MEIS1: variants seen among roughly 807,000 people sequenced by gnomAD.
MEIS1 encodes the protein Meis homeobox 1, also known as homeobox protein Meis1.
MEIS1 carries 5 observed loss-of-function variants against 50.8 expected under a neutral mutation model. The observed-to-expected ratio is 0.10, with a 90% CI of 0.05 to 0.21. The LOEUF (loss-of-function observed/expected upper bound fraction) is 0.21. Among genes scored for constraint, MEIS1 ranks in the 10% least tolerant of loss-of-function variants. MEIS1 has a pLI of 1.00. For synonymous variants in MEIS1, 176 were observed against 179.3 expected, an observed-to-expected ratio of 0.98 and a Z score of 0.15; for missense variants, 318 against 517.3, an observed-to-expected ratio of 0.61 and a Z score of 3.74.
At chr2:66,569,397 C>A in intron 12 of MEIS1, 2 of 243,448 alleles carry the variant, frequency 8.2e-6, no homozygotes, top group Non-Finnish European at 1.6e-5. Flanking sequence ...AAGAAGCAGT[C>A]AGGAGGTGGG....
intron 7 of MEIS1, among the ~76,000 whole-genome samples, chr2:66,485,615 A>G (rs1254491270): frequency 6.6e-6 from 1 of 152,242 alleles, no homozygotes; most frequent in Admixed American, 6.5e-5. Flanking sequence ...GAATATACCC[A>G]GTAATGGGAT....
chr2:66,528,371 A>C (rs536493397), intron 8 of MEIS1, among the ~76,000 whole-genome samples: 31 of 152,268 alleles, frequency 2.0e-4, no homozygotes, highest in Admixed American at 1.9e-3. Flanking sequence ...TATTATTCTA[A>C]TAAAAGCAAG....
intron 8 of MEIS1, among the ~76,000 whole-genome samples, chr2:66,526,903 C>T (rs1674264772): frequency 6.6e-6 from 1 of 152,088 alleles, no homozygotes; most frequent in South Asian, 2.1e-4. Flanking sequence ...GTCTCAGGCC[C>T]ACACCTTGAA....
At chr2:66,530,544 C>T (rs1674365366) in intron 8 of MEIS1, among the ~76,000 whole-genome samples, 1 of 152,288 alleles carries the variant, frequency 6.6e-6, no homozygotes, top group East Asian at 1.9e-4. Flanking sequence ...GAAACCCCGT[C>T]TCTCCTAAAA....
intron 1 of MEIS1, 91 bp downstream of exon 1, chr2:66,435,959 C>A: frequency 1.7e-6 from 2 of 1,206,074 alleles, no homozygotes; most frequent in Non-Finnish European, 2.3e-6. Flanking sequence ...CTTTTTTTCT[C>A]TCTCTCTTTT....
At chr2:66,564,906 T>C (rs1351766123) in intron 9 of MEIS1, among the ~76,000 whole-genome samples, 1 of 151,882 alleles carries the variant, frequency 6.6e-6, no homozygotes, top group Non-Finnish European at 1.5e-5. Context: ...CCACTGAAAG[T>C]AATGGCAAGA....
chr2:66,455,369 T>A (rs905300218), intron 6 of MEIS1, among the ~76,000 whole-genome samples: 1 of 152,186 alleles, frequency 6.6e-6, no homozygotes, highest in Non-Finnish European at 1.5e-5. Context: ...CACAGTAGGG[T>A]CACCATGGGA....
intron 8 of MEIS1, among the ~76,000 whole-genome samples, chr2:66,541,251 A>G (rs1674645617): frequency 6.6e-6 from 1 of 151,764 alleles, no homozygotes; most frequent in East Asian, 1.9e-4. Context: ...GTTAGCCAGG[A>G]TGGTCTCGAT....
intron 6 of MEIS1, among the ~76,000 whole-genome samples, chr2:66,448,761 A>G (rs1469746841): frequency 1.3e-5 from 2 of 152,180 alleles, no homozygotes; most frequent in Admixed American, 6.5e-5. Flanking sequence ...CATACAGCCA[A>G]ATTGCTATAG....
intron 8 of MEIS1, among the ~76,000 whole-genome samples, chr2:66,530,196 C>CAAA (rs5831814): frequency 0.025 from 3,007 of 122,650 alleles, 47 homozygotes; most frequent in Non-Finnish European, 0.034. Context: ...GTAGGCAAAG[C>CAAA]AAAAAAAAAA....
intron 7 of MEIS1, among the ~76,000 whole-genome samples, chr2:66,483,235 T>C (rs1266502257): frequency 6.6e-6 from 1 of 151,090 alleles, no homozygotes; most frequent in African/African-American, 2.4e-5. Context: ...TTTTTGTCTT[T>C]TTTTTTTTTG....
At chr2:66,478,004 G>C (rs965810793) in intron 7 of MEIS1, among the ~76,000 whole-genome samples, 4 of 152,092 alleles carry the variant, frequency 2.6e-5, no homozygotes, top group Non-Finnish European at 5.9e-5. Context: ...GTATTTATTT[G>C]GCTAAAAACA....
Position 66,447,901 on chromosome 2 carries a change from A to G in MEIS1, c.630+4853A>G, listed in dbSNP as rs1183627851. The stretch of plus-strand genomic sequence containing the variant: ...GCAAGTTGCATGAATAATGGAAAGC[A>G]ATGATACTAATGCTACTTTGTACAA... On this transcript the variant is annotated intron_variant, in intron 6 of 12. Transcript: ENST00000272369. Among the ~76,000 whole-genome samples, 2 of 152,222 alleles carry G rather than the reference A, an allele frequency of 1.3e-5. 1 individual carries two copies. Among genetic ancestry groups the G allele is most frequent in the Non-Finnish European group, 2.9e-5 (2 of 68,028 alleles).
At chr2:66,531,248 G>C (rs1186485067) in intron 8 of MEIS1, among the ~76,000 whole-genome samples, 3 of 152,170 alleles carry the variant, frequency 2.0e-5, no homozygotes, top group Admixed American at 6.5e-5. Context: ...ATTTTGGTTT[G>C]ATGGTAAATG....
chr2:66,568,702 C>A lies in MEIS1; in HGVS notation c.1060C>A (p.Pro354Thr). Reference sequence around the variant, plus strand: ...AACACCTTATAATCCTGATGGACAGCCCATGGGAGGTTTCGTAATGGACGG... The same window carrying A: ...AACACCTTATAATCCTGATGGACAGACCATGGGAGGTTTCGTAATGGACGG... ...QGTPYNPDGQ[P>T]MGGFVMDGQQ... The change falls in exon 11 of 13, where the codon CCC (proline) becomes ACC (threonine). Residue 354 changes from proline (P) to threonine (T), a missense_variant. Around this residue, in one of 6 missense-constraint regions of MEIS1, gnomAD observed 54 missense variants for 75.0 expected, o/e 0.72. Coordinates refer to ENST00000272369, the MANE Select transcript of MEIS1 (RefSeq NM_002398.3). The A allele has an allele frequency of 2.5e-6, 4 of 1,613,708 alleles. No homozygotes were observed. The highest frequency in any genetic ancestry group is 3.4e-6 in the Non-Finnish European group (4 of 1,179,688).
intron 6 of MEIS1, among the ~76,000 whole-genome samples, chr2:66,451,731 G>A (rs918709591): frequency 4.0e-5 from 6 of 151,892 alleles, no homozygotes; most frequent in African/African-American, 1.4e-4. Context: ...AAATTCTAAA[G>A]GCATACTTAC....
intron 8 of MEIS1, among the ~76,000 whole-genome samples, chr2:66,539,307 C>T (rs1471387393): frequency 6.6e-6 from 1 of 152,158 alleles, no homozygotes; most frequent in Non-Finnish European, 1.5e-5. Flanking sequence ...ATTGACTCTT[C>T]CTTCCATTAG....
At chr2:66,566,298 C>T (rs899139434) in intron 9 of MEIS1, among the ~76,000 whole-genome samples, 6 of 152,098 alleles carry the variant, frequency 3.9e-5, no homozygotes, top group Non-Finnish European at 7.4e-5. Context: ...GAAAACCTGT[C>T]CCTGTCTGTT....
chr2:66,486,335 C>T (rs554625163), intron 7 of MEIS1, among the ~76,000 whole-genome samples: 61 of 152,312 alleles, frequency 4.0e-4, no homozygotes, highest in African/African-American at 1.4e-3. Flanking sequence ...GTTTTCCCAA[C>T]ACCATTTATT....
Sources: allele counts gnomAD v4.1 joint callset (sites outside exome capture counted in the v4.1 genomes callset), GRCh38; gene constraint gnomAD v4.1.1; regional missense constraint gnomAD v4.1.1; transcripts MANE v1.5; gene names NCBI Gene and HGNC (gene_info 2026-07-23, HGNC 2026-07-21).